The following CADPS variants were observed in gnomAD, a reference collection of about 807,000 sequenced individuals.
CADPS encodes the protein calcium-dependent secretion activator 1.
CADPS carries 57 observed loss-of-function variants against 167.3 expected under a neutral mutation model. The observed-to-expected ratio is 0.34, with a 90% CI of 0.28 to 0.42. The LOEUF (loss-of-function observed/expected upper bound fraction) is 0.42. Ranked by LOEUF, CADPS falls within the 20% of genes least tolerant of loss-of-function variation. The probability of loss-of-function intolerance (pLI) is 1.00; values close to 1 mark genes in which losing one functional copy is unlikely to be tolerated. For synonymous variants in CADPS, 676 were observed against 635.3 expected (o/e 1.06, Z -0.96); for missense variants, 1,414 against 1,738.1 (o/e 0.81, Z 3.32).
intron 1 of CADPS, among the ~76,000 whole-genome samples, chr3:62,834,673 C>A (rs898344194): frequency 1.1e-4 from 16 of 152,134 alleles, no homozygotes; most frequent in Non-Finnish European, 2.4e-4. Context: ...ATATGATGGA[C>A]CTAGTCCAGG....
Position 62,403,108 on chromosome 3 carries a change from C to T in CADPS, c.3855G>A (p.Gln1285=). Residue 1285 remains glutamine, a synonymous_variant, in exon 29 of 30, where the codon CAG becomes CAA. Coordinates refer to ENST00000383710, the MANE Select transcript of CADPS (RefSeq NM_003716.4). ...TTACCATCCTAATTAGTGTTTTCAA[C>T]TGATAAATATGAAGCTGTAAGTCCA... The part of the protein sequence containing the change: ...DRMDLQLHIY[Q]LKTLIRMVKK... 1 of 1,610,974 alleles carries T rather than the reference C, an allele frequency of 6.2e-7. No homozygotes were observed. The highest frequency in any genetic ancestry group is 1.3e-5 in the African/African-American group (1 of 74,972).
At chr3:62,599,190 AACTG>A (rs1374387257) in intron 6 of CADPS, among the ~76,000 whole-genome samples, 1 of 151,986 alleles carries the variant, frequency 6.6e-6, no homozygotes, top group Non-Finnish European at 1.5e-5. Context: ...TGGAAAGGTT[AACTG>A]ACTAACTTCT....
chr3:62,774,041 T>C (rs2089640341), intron 1 of CADPS, among the ~76,000 whole-genome samples: 1 of 152,050 alleles, frequency 6.6e-6, no homozygotes, highest in Admixed American at 6.6e-5. Flanking sequence ...ATTTGAACAT[T>C]GATTAAGATG....
chr3:62,510,060 G>A (rs1234874715), intron 17 of CADPS, among the ~76,000 whole-genome samples: 2 of 152,046 alleles, frequency 1.3e-5, no homozygotes, highest in African/African-American at 2.4e-5. Context: ...AGGTTCATAG[G>A]TGGCTGCTCT....
At chr3:62,496,220 C>G (rs936129494) in intron 18 of CADPS, among the ~76,000 whole-genome samples, 5 of 152,008 alleles carry the variant, frequency 3.3e-5, no homozygotes, top group African/African-American at 1.2e-4. Flanking sequence ...CCACTGTACT[C>G]CAGCCAGTCT....
intron 5 of CADPS, among the ~76,000 whole-genome samples, chr3:62,647,609 T>C (rs1184557726): frequency 6.6e-6 from 1 of 152,198 alleles, no homozygotes; most frequent in Non-Finnish European, 1.5e-5. Context: ...AATAAAAATA[T>C]GTATCCCGTG....
chr3:62,709,647 A>G (rs2082994435), intron 3 of CADPS, among the ~76,000 whole-genome samples: 1 of 151,952 alleles, frequency 6.6e-6, no homozygotes, highest in Admixed American at 6.6e-5. Flanking sequence ...CTCAGTCCAG[A>G]CCTATTGAAT....
intron 2 of CADPS, among the ~76,000 whole-genome samples, chr3:62,762,261 A>G (rs145669882): frequency 1.3e-5 from 2 of 152,244 alleles, no homozygotes; most frequent in Non-Finnish European, 2.9e-5. Context: ...ATAAGAAATA[A>G]CAATAAAAAG....
intron 20 of CADPS, 146 bp from the exon 21 acceptor site, chr3:62,491,626 G>A: frequency 1.4e-5 from 9 of 650,032 alleles, no homozygotes; most frequent in South Asian, 3.2e-5. Flanking sequence ...CTGCTTCTAA[G>A]GAAGCCAAAA....
intron 11 of CADPS, among the ~76,000 whole-genome samples, chr3:62,546,889 T>G (rs760131305): frequency 1.3e-5 from 2 of 152,198 alleles, no homozygotes; most frequent in Non-Finnish European, 2.9e-5. Context: ...CAATTTCCCA[T>G]GGATACTGAG....
rs187512362 is a variant in CADPS, at chr3:62,399,806, T to C, written c.3883-221A>G. Among the ~76,000 whole-genome samples the C allele has an allele frequency of 6.6e-6, 1 of 152,212 alleles. No individual in the cohort carries two copies. Among genetic ancestry groups the C allele is most frequent in the Non-Finnish European group, 1.5e-5 (1 of 68,032 alleles). On this transcript the variant is annotated intron_variant, in intron 29 of 29. Transcript: ENST00000383710. This position sits in a 1 kb window ranked among gnomAD's most constrained non-coding sequence, Gnocchi z 5.6. ...GAAATAGTGACAGGATAAACTATAT[T>C]AGATGAGACAAAGCAAAGAACATAA...
chr3:62,583,306 A>G (rs2083862756), intron 8 of CADPS, among the ~76,000 whole-genome samples: 1 of 152,046 alleles, frequency 6.6e-6, no homozygotes, highest in South Asian at 2.1e-4. Context: ...CAGAAACCTA[A>G]CTGAATTATC....
At chr3:62,496,366 T>C (rs1489645299) in intron 18 of CADPS, among the ~76,000 whole-genome samples, 1 of 152,162 alleles carries the variant, frequency 6.6e-6, no homozygotes, top group Admixed American at 6.5e-5. Flanking sequence ...GTCCACGTGA[T>C]TGCAATCTGT....
At chr3:62,785,265 C>T (rs777285581) in intron 1 of CADPS, among the ~76,000 whole-genome samples, 2 of 152,026 alleles carry the variant, frequency 1.3e-5, no homozygotes, top group African/African-American at 2.4e-5. Context: ...GGAGTGGTGG[C>T]GGGGTCAAAG....
chr3:62,435,542 T>C (rs1273126487), intron 28 of CADPS, among the ~76,000 whole-genome samples: 1 of 152,190 alleles, frequency 6.6e-6, no homozygotes, highest in African/African-American at 2.4e-5. Flanking sequence ...TTCAATAACT[T>C]TTTTTGCACT....
chr3:62,460,329 A>G (rs2059183202), intron 26 of CADPS, among the ~76,000 whole-genome samples: 1 of 152,218 alleles, frequency 6.6e-6, no homozygotes, highest in Non-Finnish European at 1.5e-5. Flanking sequence ...TCTGAAATAT[A>G]GAAGCCAATT....
At chr3:62,592,837 G>T in intron 6 of CADPS, 89 bp from the exon 7 acceptor site, 1 of 902,642 alleles carries the variant, frequency 1.1e-6, no homozygotes, top group Non-Finnish European at 1.7e-6. Context: ...GTGAATGCAG[G>T]GTTAACCCAA....
intron 6 of CADPS, among the ~76,000 whole-genome samples, chr3:62,644,059 G>A (rs1347410739): frequency 1.3e-5 from 2 of 152,192 alleles, no homozygotes; most frequent in Admixed American, 1.3e-4. Flanking sequence ...AGCATCTGAG[G>A]CTTTTGCCTA....
intron 6 of CADPS, among the ~76,000 whole-genome samples, chr3:62,642,411 T>C (rs2067607755): frequency 6.6e-6 from 1 of 152,026 alleles, no homozygotes; most frequent in Non-Finnish European, 1.5e-5. Flanking sequence ...AAAGGAAAAT[T>C]TCTGGAATAA....
Sources: allele counts gnomAD v4.1 joint callset (sites outside exome capture counted in the v4.1 genomes callset), GRCh38; gene constraint gnomAD v4.1.1; non-coding constraint Gnocchi (gnomAD v3.1); transcripts MANE v1.5; gene names NCBI Gene and HGNC (gene_info 2026-07-23, HGNC 2026-07-21).